The following ANKRD18B variants were observed in gnomAD, a reference collection of about 807,000 sequenced individuals.
ANKRD18B encodes the protein ankyrin repeat domain-containing protein 18B.
A neutral mutation model predicts 111.8 loss-of-function variants in ANKRD18B; 75 were observed. The ratio of observed to expected loss-of-function variants is 0.67; its 90% CI spans 0.56 to 0.81. The LOEUF is 0.81. Among genes scored for constraint, ANKRD18B ranks in the 40% least tolerant of loss-of-function variants. ANKRD18B has a pLI of 0.00. For missense variants in ANKRD18B, 1,038 were observed against 1,225.5 expected (o/e 0.85, Z 2.28); for synonymous variants, 356 against 417.3 (o/e 0.85, Z 1.79).
At chr9:33,527,712 T>C (rs1184720506) in intron 1 of ANKRD18B, among the ~76,000 whole-genome samples, 5 of 152,358 alleles carry the variant, frequency 3.3e-5, no homozygotes, top group Non-Finnish European at 7.3e-5. Flanking sequence ...CTTTTAGGAA[T>C]TAAAATGTAT....
At chr9:33,553,866 T>C (rs1828482365) in intron 12 of ANKRD18B, among the ~76,000 whole-genome samples, 1 of 151,748 alleles carries the variant, frequency 6.6e-6, no homozygotes, top group Non-Finnish European at 1.5e-5. Context: ...TTACCTGAGG[T>C]CAGAAGTACA....
chr9:33,528,604 A>C (rs1828060307), intron 1 of ANKRD18B, 123 bp from the exon 2 acceptor site: 1 of 760,258 alleles, frequency 1.3e-6, no homozygotes. Flanking sequence ...TACTTTCTTC[A>C]AAAGAAAATT....
At chr9:33,573,832 C>A (rs1235117425), downstream of ANKRD18B, among the ~76,000 whole-genome samples, 1 of 145,118 alleles carries the variant, frequency 6.9e-6, no homozygotes, top group Non-Finnish European at 1.6e-5. Flanking sequence ...TCAGCAGGGA[C>A]CTGGTTAGCG....
chr9:33,539,225 T>C (rs895529262), intron 6 of ANKRD18B, among the ~76,000 whole-genome samples: 14 of 152,244 alleles, frequency 9.2e-5, no homozygotes, highest in Non-Finnish European at 1.8e-4. Flanking sequence ...TAGTGTTTAC[T>C]GTGTGTCCAA....
At chr9:33,543,993 T>G (rs187201700) in intron 10 of ANKRD18B, among the ~76,000 whole-genome samples, 2 of 152,210 alleles carry the variant, frequency 1.3e-5, no homozygotes, top group Non-Finnish European at 2.9e-5. Context: ...ATTTTCTTCT[T>G]TCTGATTGGT....
intron 5 of ANKRD18B, 103 bp downstream of exon 5, chr9:33,534,610 G>A: frequency 1.4e-6 from 2 of 1,393,728 alleles, no homozygotes; most frequent in Non-Finnish European, 1.9e-6. Flanking sequence ...GTTTGGTTGA[G>A]GTAGTTTGGA....
At chr9:33,563,410 G>A (rs1828635896) in intron 14 of ANKRD18B, among the ~76,000 whole-genome samples, 1 of 152,158 alleles carries the variant, frequency 6.6e-6, no homozygotes, top group African/African-American at 2.4e-5. Context: ...GGTTGATGCT[G>A]GCCATTGGCT....
rs777753966 is a variant in ANKRD18B at position 33,566,516 on chromosome 9, C to A, written c.2742+16C>A. 2.8e-5 allele frequency: 45 copies of A among 1,599,988 alleles called. No homozygotes were observed. In the African/African-American group the frequency reaches 4.5e-4, roughly 16 times the overall value. ...CCATTTACAGGTTAGTTTTTAAAAT[C>A]AGGTAAGTTTATCTGTAATGGGCTT... On this transcript the variant is annotated intron_variant, in intron 15 of 18. Coordinates refer to ENST00000684830, the MANE Select transcript of ANKRD18B (RefSeq NM_001393611.1).
chr9:33,529,581 C>T (rs1209947515), intron 3 of ANKRD18B, among the ~76,000 whole-genome samples: 2 of 152,116 alleles, frequency 1.3e-5, no homozygotes, highest in Non-Finnish European at 2.9e-5. Flanking sequence ...ATGTATCTTT[C>T]ATGGGCAAGG....
downstream of ANKRD18B, among the ~76,000 whole-genome samples, chr9:33,574,980 A>T (rs993321463): frequency 6.6e-6 from 1 of 152,080 alleles, no homozygotes; most frequent in African/African-American, 2.4e-5. Flanking sequence ...TCTAGGTGAG[A>T]TGCACATCTC....
chr9:33,555,835 T>C lies in ANKRD18B; in HGVS notation c.2330+15T>C. On this transcript the variant is annotated intron_variant, in intron 13 of 18. Coordinates refer to ENST00000684830, the MANE Select transcript of ANKRD18B (RefSeq NM_001393611.1). ...GAGGCAACTGGGTATGGTTTTCATA[T>C]TGTAGAACATTTTAGCCATTTAGTA... 7.6e-7 allele frequency: 1 copy of C among 1,321,466 alleles called. No homozygotes were observed. The highest frequency in any genetic ancestry group is 9.8e-7 in the Non-Finnish European group (1 of 1,022,320). The allele number at this position is 1,321,466 out of a possible 1,614,324, so 81.9% of individuals were successfully genotyped here.
At chr9:33,540,609 C>T (rs557360697) in intron 8 of ANKRD18B, among the ~76,000 whole-genome samples, 1 of 152,182 alleles carries the variant, frequency 6.6e-6, no homozygotes, top group Non-Finnish European at 1.5e-5. Flanking sequence ...GCATTAGATT[C>T]AATTTGAGAT....
chr9:33,549,724 AT>A (rs1828419277), intron 11 of ANKRD18B, among the ~76,000 whole-genome samples: 2 of 152,156 alleles, frequency 1.3e-5, no homozygotes, highest in Admixed American at 1.3e-4. Context: ...ACCACTTAGT[AT>A]TTTAAAGACT....
At chr9:33,573,162 C>T (rs1807130), downstream of ANKRD18B, 538,972 of 976,844 alleles carry the variant, frequency 0.55, 150,399 homozygotes, top group Non-Finnish European at 0.57. Context: ...ATTTTCTCTG[C>T]GGCAACCCTA....
chr9:33,533,349 T>G, intron 3 of ANKRD18B, 90 bp from the exon 4 acceptor site: 1 of 1,500,142 alleles, frequency 6.7e-7, no homozygotes, highest in Non-Finnish European at 8.9e-7. Flanking sequence ...ATATTGCATG[T>G]TTAAGTTCAT....
intron 9 of ANKRD18B, among the ~76,000 whole-genome samples, chr9:33,542,703 A>G (rs1663584806): frequency 6.6e-6 from 1 of 152,156 alleles, no homozygotes; most frequent in Non-Finnish European, 1.5e-5. Context: ...CACAAAAATA[A>G]ATTCATCAGA....
In ANKRD18B at chr9:33,552,921, G is replaced by A. The variant is rs548098479; in HGVS notation, c.2217+2342G>A. Among the ~76,000 whole-genome samples the A allele has an allele frequency of 2.9e-4, 44 of 152,278 alleles. 1 individual carries two copies. In the East Asian group the frequency reaches 7.5e-3, roughly 26 times the overall value. ...ATCTTCCCAACATCCCAGTGAAGTAGATGGTATTATTCTCTCCATTTCATA... is the reference window on the plus strand; with the variant it reads ...ATCTTCCCAACATCCCAGTGAAGTAAATGGTATTATTCTCTCCATTTCATA... On this transcript the variant is annotated intron_variant, in intron 12 of 18. Coordinates refer to ENST00000684830, the MANE Select transcript of ANKRD18B (RefSeq NM_001393611.1).
At position 33,552,293 on chromosome 9, in the gene ANKRD18B, C is replaced by T. The variant is rs200906755; in HGVS notation, c.2217+1714C>T. Among the ~76,000 whole-genome samples, 10 of 152,326 alleles carry T rather than the reference C, an allele frequency of 6.6e-5. No homozygotes were observed. In the East Asian group the frequency reaches 1.9e-3, roughly 29 times the overall value. The stretch of plus-strand genomic sequence containing the variant: ...AAAAGAATCTAAATTTGCCTTCCTT[C>T]ACTATGTAGCCAAAACTGTATTTCT... On this transcript the variant is annotated intron_variant, in intron 12 of 18. Coordinates refer to ENST00000684830, the MANE Select transcript of ANKRD18B (RefSeq NM_001393611.1).
At position 33,550,469 on chromosome 9, in the gene ANKRD18B, C is replaced by G. The variant is rs1452815344; in HGVS notation, c.2107C>G (p.Leu703Val). Residue 703 changes from leucine (L) to valine (V), a missense_variant, in exon 12 of 19, where the codon CTT becomes GTT. Physicochemically the swap from Leu to Val is conservative, Grantham distance 32. Around this residue, in one of 4 missense-constraint regions of ANKRD18B, gnomAD observed 524 missense variants for 677.9 expected, o/e 0.77. Coordinates refer to ENST00000684830, the MANE Select transcript of ANKRD18B (RefSeq NM_001393611.1). ...ATTTCAAGAAGAACTGGTCGATCAT[C>G]TTAAAAAATTTTCAATGTCAGAGTC... The part of the protein sequence containing the change: ...REFQEELVDH[L>V]KKFSMSESPL... 4 of 1,546,538 alleles carry G rather than the reference C, an allele frequency of 2.6e-6. No homozygotes were observed. The highest frequency in any genetic ancestry group is 3.5e-6 in the Non-Finnish European group (4 of 1,144,978).
Sources: allele counts gnomAD v4.1 joint callset (sites outside exome capture counted in the v4.1 genomes callset), GRCh38; gene constraint gnomAD v4.1.1; regional missense constraint gnomAD v4.1.1; transcripts MANE v1.5; gene names NCBI Gene and HGNC (gene_info 2026-07-23, HGNC 2026-07-21).